PRRX1: variants seen among roughly 807,000 people sequenced by gnomAD.
PRRX1 encodes the protein paired related homeobox 1, also known as paired mesoderm homeobox protein 1.
PRRX1 carries 8 observed loss-of-function variants against 24.0 expected under a neutral mutation model. That is an observed-to-expected ratio of 0.33 (90% confidence interval 0.20 to 0.60). The LOEUF (loss-of-function observed/expected upper bound fraction) is 0.60. PRRX1 is among the 20% of genes least tolerant of loss of function. The pLI is 0.82. For synonymous variants in PRRX1, 160 were observed against 131.7 expected (o/e 1.22, Z -1.47); for missense variants, 281 against 322.4 (o/e 0.87, Z 0.98).
intron 1 of PRRX1, among the ~76,000 whole-genome samples, chr1:170,713,116 G>A (rs1011598564): frequency 1.1e-4 from 16 of 152,108 alleles, no homozygotes; most frequent in African/African-American, 3.9e-4. Flanking sequence ...ATGGATTCAG[G>A]AATACATTAG....
intron 1 of PRRX1, among the ~76,000 whole-genome samples, chr1:170,678,575 TTG>T (rs1485639223): frequency 1.3e-5 from 2 of 152,184 alleles, no homozygotes; most frequent in African/African-American, 4.8e-5. Flanking sequence ...GGAAAAGTGT[TTG>T]TGTGTGTGTT....
chr1:170,688,866 G>T (rs896642395), intron 1 of PRRX1, among the ~76,000 whole-genome samples: 1 of 151,936 alleles, frequency 6.6e-6, no homozygotes, highest in African/African-American at 2.4e-5. Context: ...AAACTTATTT[G>T]ATAATTTTGT....
At chr1:170,663,017 T>G (rs2101877647), upstream of PRRX1, 1 of 152,006 alleles carries the variant, frequency 6.6e-6, no homozygotes, top group East Asian at 1.9e-4. Context: ...CTTGCTCTCT[T>G]CCCTCTCTCA....
At chr1:170,669,336 T>G (rs1653059956) in intron 1 of PRRX1, 1 of 147,088 alleles carries the variant, frequency 6.8e-6, no homozygotes, top group Admixed American at 7.2e-5. Context: ...AGTTCCTTCC[T>G]CTTCCCAGGA....
intron 3 of PRRX1, chr1:170,730,509 A>G (rs1655402931): frequency 3.2e-6 from 2 of 631,624 alleles, no homozygotes; most frequent in South Asian, 1.9e-5. Context: ...AAGCATGTCC[A>G]CTAAATGAAG....
chr1:170,721,887 A>G (rs1655096894), intron 2 of PRRX1, among the ~76,000 whole-genome samples: 1 of 152,094 alleles, frequency 6.6e-6, no homozygotes, highest in Admixed American at 6.5e-5. Flanking sequence ...CTTTTAGTCC[A>G]GTAACCCACA....
chr1:170,707,727 G>T (rs1264034184), intron 1 of PRRX1, among the ~76,000 whole-genome samples: 3 of 152,170 alleles, frequency 2.0e-5, no homozygotes, highest in Non-Finnish European at 2.9e-5. Context: ...GCTTGTCAAT[G>T]AAACTTTTAC....
At chr1:170,683,211 GGAA>G (rs1324504335) in intron 1 of PRRX1, among the ~76,000 whole-genome samples, 4 of 152,188 alleles carry the variant, frequency 2.6e-5, no homozygotes, top group Non-Finnish European at 5.9e-5. Context: ...GGATATTAGA[GGAA>G]GAAGGAGAAG....
Position 170,737,832 on chromosome 1 carries a change from G to GCT in PRRX1, c.*1649_*1650dup, listed in dbSNP as rs1472831398. Reference sequence around the variant, plus strand: ...ACCTACCTCACAGGGGTGTTGTGAGGCTCTATTCATTTGCTCCTTTATTCT... The same window carrying GCT: ...ACCTACCTCACAGGGGTGTTGTGAGGCTCTCTATTCATTTGCTCCTTTATTCT... On this transcript the variant is annotated 3_prime_UTR_variant, in exon 4 of 4. Transcript: ENST00000239461. 6 of 215,168 alleles carry GCT rather than the reference G, an allele frequency of 2.8e-5. No homozygotes were observed. The Admixed American group carries it at 2.9e-4, about 10-fold the overall frequency. 13.3% of individuals were successfully genotyped at this position (215,168 alleles called of 1,614,324 possible).
chr1:170,685,628 A>G (rs10919450), intron 1 of PRRX1, among the ~76,000 whole-genome samples: 6,990 of 151,590 alleles, frequency 0.046, 236 homozygotes, highest in Middle Eastern at 0.12. Flanking sequence ...CTGTAAAATG[A>G]AAACGGTAAT....
chr1:170,693,358 A>G (rs1327155405), intron 1 of PRRX1, among the ~76,000 whole-genome samples: 1 of 152,104 alleles, frequency 6.6e-6, no homozygotes, highest in East Asian at 1.9e-4. Context: ...AAACACTGGA[A>G]TACGGGTGTA....
chr1:170,730,264 CT>C (rs1277512374), intron 3 of PRRX1: 1 of 1,601,564 alleles, frequency 6.2e-7, no homozygotes, highest in Non-Finnish European at 8.6e-7. Flanking sequence ...CCCTTTCACA[CT>C]TTCAAAAATA....
intron 1 of PRRX1, among the ~76,000 whole-genome samples, chr1:170,673,261 G>C (rs1367264696): frequency 6.6e-6 from 1 of 152,098 alleles, no homozygotes; most frequent in Non-Finnish European, 1.5e-5. Flanking sequence ...TTCAAACTGG[G>C]AGGTAACATT....
rs1655248661 is a variant in PRRX1, at chr1:170,726,260, A to C, written c.458A>C (p.Glu153Ala). 1 of 1,614,094 alleles carries C rather than the reference A, an allele frequency of 6.2e-7. No homozygotes were observed. Among genetic ancestry groups the C allele is most frequent in the Non-Finnish European group, 8.5e-7 (1 of 1,179,992 alleles). ...QNRRAKFRRNERAMLANKNAS... is the reference protein window; with the variant it reads ...QNRRAKFRRNARAMLANKNAS... ...CGAAGAGCCAAGTTCCGCAGGAATG[A>C]GAGAGCCATGCTAGCCAATAAAAAC... The change falls in exon 3 of 4, where the codon GAG becomes GCG. Residue 153 changes from glutamate to alanine, a missense_variant. Glu to Ala is a moderately radical substitution (Grantham distance 107, BLOSUM62 -1). Transcript: ENST00000239461.
intron 1 of PRRX1, among the ~76,000 whole-genome samples, chr1:170,704,376 T>C (rs1032506732): frequency 1.3e-5 from 2 of 152,220 alleles, no homozygotes; most frequent in African/African-American, 4.8e-5. Flanking sequence ...TTTCTACTTA[T>C]TTTTCTAAAG....
Position 170,738,976 on chromosome 1 carries a change from A to G in PRRX1, c.*2790A>G, listed in dbSNP as rs568438362. 2 of 225,030 alleles carry G rather than the reference A, an allele frequency of 8.9e-6. No individual in the cohort carries two copies. The highest frequency in any genetic ancestry group is 6.5e-5 in the East Asian group (1 of 15,410). 13.9% of individuals were successfully genotyped at this position (225,030 alleles called of 1,614,324 possible). A position where few individuals can be genotyped will look rare whatever the true frequency, so the allele number is the denominator to read the frequency against. On this transcript the variant is annotated 3_prime_UTR_variant, in exon 4 of 4. Transcript: ENST00000239461. The stretch of plus-strand genomic sequence containing the variant: ...CTAAGCACTTGATCAAGAAATATAC[A>G]TGTTGTACAAGCTCTCAATTTTGTT...
intron 1 of PRRX1, among the ~76,000 whole-genome samples, chr1:170,716,583 C>CAAA (rs1010022653): frequency 9.9e-6 from 1 of 100,772 alleles, no homozygotes; most frequent in South Asian, 3.5e-4. Flanking sequence ...GACTCCATCT[C>CAAA]AAAAAAAAAA....
rs1285851729 is a variant in PRRX1, at chr1:170,664,308, G to T, written c.90G>T (p.Ala30=). ...CGGGCAACCTCGACACCCTGCAGGCGAAAAAGAACTTCTCCGTCAGTCACC... is the reference window on the plus strand; with the variant it reads ...CGGGCAACCTCGACACCCTGCAGGCTAAAAAGAACTTCTCCGTCAGTCACC... The part of the protein sequence containing the change: ...DSPGNLDTLQ[A]KKNFSVSHLL... Residue 30 remains alanine (A), a synonymous_variant, in exon 1 of 4, where the codon GCG becomes GCT. Coordinates refer to ENST00000239461, the MANE Select transcript of PRRX1 (RefSeq NM_022716.4). 1 of 1,613,664 alleles carries T rather than the reference G, an allele frequency of 6.2e-7. No individual in the cohort carries two copies. Among genetic ancestry groups the T allele is most frequent in the African/African-American group, 1.3e-5 (1 of 75,016 alleles).
intron 1 of PRRX1, among the ~76,000 whole-genome samples, chr1:170,682,502 T>C (rs1305778353): frequency 6.6e-6 from 1 of 152,120 alleles, no homozygotes; most frequent in Non-Finnish European, 1.5e-5. Context: ...GGGCACCCCA[T>C]GCCCCCATCT....
Sources: gnomAD v4.1 joint callset for allele counts (sites outside exome capture counted in the v4.1 genomes callset) on GRCh38, gnomAD v4.1.1 for gene constraint, MANE v1.5 for transcripts, NCBI Gene and HGNC (gene_info 2026-07-23, HGNC 2026-07-21) for gene names.